Variants in NARS2 observed in about 807,000 individuals in gnomAD.
NARS2 encodes asparaginyl-tRNA synthetase 2, mitochondrial.
In NARS2, 60 loss-of-function variants were observed where a neutral mutation model predicts 62.9. The ratio of observed to expected loss-of-function variants is 0.95; its 90% CI spans 0.77 to 1.18. NARS2 has a LOEUF of 1.18. Ranked by LOEUF, NARS2 falls within the 50% of genes most tolerant of loss-of-function variation. The pLI is 0.00. For synonymous variants in NARS2, 196 were observed against 200.0 expected (o/e 0.98, Z 0.17); for missense variants, 619 against 576.4 (o/e 1.07, Z -0.76).
rs777601320 is a variant in NARS2 at position 78,436,622 on chromosome 11, T to A, written c.*48A>T. 1 of 1,601,802 alleles carries A rather than the reference T, an allele frequency of 6.2e-7. No individual in the cohort carries two copies. The highest frequency in any genetic ancestry group is 1.1e-5 in the South Asian group (1 of 90,270). On this transcript the variant is annotated 3_prime_UTR_variant, in exon 14 of 14. Transcript: ENST00000281038. The stretch of plus-strand genomic sequence containing the variant: ...GCATTCTGCTGTATGCACAATCATG[T>A]GCAGTGTCTCTGCCATGGGGGGTGC...
At chr11:78,507,509 CA>C (rs1388317709) in intron 6 of NARS2, among the ~76,000 whole-genome samples, 10 of 138,408 alleles carry the variant, frequency 7.2e-5, no homozygotes, top group Admixed American at 8.2e-5. Flanking sequence ...GCCCAGTTTT[CA>C]TTTCTTTTAT....
intron 11 of NARS2, among the ~76,000 whole-genome samples, chr11:78,451,052 C>T (rs983684744): frequency 1.3e-5 from 2 of 152,116 alleles, no homozygotes; most frequent in Non-Finnish European, 2.9e-5. Context: ...TCCCTTCCAC[C>T]GTATCAGATT....
At chr11:78,550,842 G>A (rs1207535268) in intron 5 of NARS2, among the ~76,000 whole-genome samples, 2 of 152,052 alleles carry the variant, frequency 1.3e-5, no homozygotes, top group East Asian at 1.9e-4. Context: ...GAAACAATAC[G>A]AATGTCCATC....
At chr11:78,494,686 A>G (rs1859982789) in intron 6 of NARS2, among the ~76,000 whole-genome samples, 1 of 152,124 alleles carries the variant, frequency 6.6e-6, no homozygotes, top group African/African-American at 2.4e-5. Context: ...AAACAGTAGG[A>G]ACTCAAAAAT....
chr11:78,522,157 T>G (rs1429089300), intron 6 of NARS2, among the ~76,000 whole-genome samples: 1 of 150,040 alleles, frequency 6.7e-6, no homozygotes, highest in Non-Finnish European at 1.5e-5. Context: ...TAAGGTTTCG[T>G]GTGTTGCCCA....
At chr11:78,495,566 T>C (rs897788169) in intron 6 of NARS2, among the ~76,000 whole-genome samples, 2 of 152,208 alleles carry the variant, frequency 1.3e-5, no homozygotes, top group Non-Finnish European at 2.9e-5. Context: ...TATTCGCATC[T>C]CTAGTGCCTA....
At chr11:78,461,850 G>T (rs1272362197) in intron 11 of NARS2, among the ~76,000 whole-genome samples, 2 of 151,850 alleles carry the variant, frequency 1.3e-5, no homozygotes, top group African/African-American at 4.8e-5. Context: ...CTACTCGGGA[G>T]GCTGAGGCAG....
At chr11:78,526,917 T>G (rs1278480737) in intron 6 of NARS2, among the ~76,000 whole-genome samples, 2 of 152,118 alleles carry the variant, frequency 1.3e-5, no homozygotes, top group African/African-American at 2.4e-5. Flanking sequence ...CTTAAAAAGG[T>G]GATGTCCTTT....
chr11:78,491,942 T>C (rs955642211), intron 7 of NARS2, among the ~76,000 whole-genome samples: 2 of 151,868 alleles, frequency 1.3e-5, no homozygotes, highest in African/African-American at 4.8e-5. Context: ...GAAAGGAGAG[T>C]TGATGAAAAT....
chr11:78,522,944 A>C (rs376528254), intron 6 of NARS2, among the ~76,000 whole-genome samples: 2 of 152,372 alleles, frequency 1.3e-5, no homozygotes, highest in South Asian at 4.1e-4. Context: ...TTCAAAACCC[A>C]GAAAAGTGAA....
At chr11:78,462,220 G>A (rs1304229321) in intron 11 of NARS2, among the ~76,000 whole-genome samples, 2 of 152,122 alleles carry the variant, frequency 1.3e-5, no homozygotes, top group African/African-American at 4.8e-5. Context: ...AATTGGAATG[G>A]GCTGGAGTGA....
At chr11:78,509,799 C>A (rs549899595) in intron 6 of NARS2, among the ~76,000 whole-genome samples, 1 of 145,840 alleles carries the variant, frequency 6.9e-6, no homozygotes, top group Non-Finnish European at 1.5e-5. Flanking sequence ...TGCACTCCAG[C>A]CTGGGTGATG....
chr11:78,519,860 C>A (rs907726963), intron 6 of NARS2, among the ~76,000 whole-genome samples: 1 of 152,046 alleles, frequency 6.6e-6, no homozygotes, highest in African/African-American at 2.4e-5. Flanking sequence ...GCCACCACGC[C>A]TGGCTAATTT....
In NARS2 at chr11:78,444,727, C is replaced by CAAAGAAAAAAAAAAA. The variant is rs56788561; in HGVS notation, c.1165-970_1165-969insTTTTTTTTTTTCTTT. Among the ~76,000 whole-genome samples the CAAAGAAAAAAAAAAA allele has an allele frequency of 1.7e-3, 156 of 92,336 alleles. 1 individual carries two copies. The highest frequency in any genetic ancestry group is 5.4e-3 in the African/African-American group (150 of 27,874). The allele number at this position is 92,336 out of a possible 152,430, so 60.6% of individuals were successfully genotyped here. ...GAGCAAGACTCTGTCTCAAACAAAA[C>CAAAGAAAAAAAAAAA]AAAAAAAAAAAAAAGGGTGATAAGA... On this transcript the variant is annotated intron_variant, in intron 11 of 13. Transcript: ENST00000281038.
intron 9 of NARS2, among the ~76,000 whole-genome samples, chr11:78,475,853 A>C (rs552914988): frequency 1.8e-4 from 27 of 152,148 alleles, no homozygotes; most frequent in Admixed American, 1.1e-3. Context: ...CTCCCACCTC[A>C]GCCTCCCAAA....
At chr11:78,538,695 C>T (rs1855473731) in intron 5 of NARS2, among the ~76,000 whole-genome samples, 2 of 151,738 alleles carry the variant, frequency 1.3e-5, no homozygotes, top group South Asian at 2.1e-4. Flanking sequence ...AAGAGTAAGA[C>T]TGTTAAAAGA....
chr11:78,464,215 C>A (rs993411118), intron 11 of NARS2, among the ~76,000 whole-genome samples: 2 of 151,134 alleles, frequency 1.3e-5, no homozygotes, highest in Non-Finnish European at 2.9e-5. Flanking sequence ...CTCGTGGGCT[C>A]GCTGGCTTCA....
intron 6 of NARS2, among the ~76,000 whole-genome samples, chr11:78,508,313 G>T (rs1365020038): frequency 6.6e-6 from 1 of 152,204 alleles, no homozygotes; most frequent in African/African-American, 2.4e-5. Flanking sequence ...AAGGCAAAGA[G>T]AGTATCTGAA....
chr11:78,570,018 G>T (rs1265172207), intron 2 of NARS2, among the ~76,000 whole-genome samples: 1 of 152,038 alleles, frequency 6.6e-6, no homozygotes, highest in Non-Finnish European at 1.5e-5. Flanking sequence ...GTAAAATTCT[G>T]TCTCTACTAA....
Sources: gnomAD v4.1 joint callset for allele counts (sites outside exome capture counted in the v4.1 genomes callset) on GRCh38, gnomAD v4.1.1 for gene constraint, MANE v1.5 for transcripts, NCBI Gene and HGNC (gene_info 2026-07-23, HGNC 2026-07-21) for gene names.